The following CCDC150 variants were observed in gnomAD, a reference collection of about 807,000 sequenced individuals.
The protein encoded by CCDC150 is coiled-coil domain containing 150.
Under a neutral mutation model 156.5 loss-of-function variants are expected in CCDC150, and 151 were observed. The observed-to-expected ratio is 0.97, with a 90% CI of 0.85 to 1.10. The LOEUF is 1.10. Ranked by LOEUF, CCDC150 falls within the 50% of genes least tolerant of loss-of-function variation. The probability of loss-of-function intolerance (pLI) is 0.00; values close to 1 mark genes in which losing one functional copy is unlikely to be tolerated. For synonymous variants in CCDC150, 452 were observed against 429.4 expected (o/e 1.05, Z -0.65); for missense variants, 1,312 against 1,268.1 (o/e 1.03, Z -0.53).
At position 196,683,325 on chromosome 2, in the gene CCDC150, A is replaced by C. The variant is rs1208771111; in HGVS notation, c.1509+5964A>C. On this transcript the variant is annotated intron_variant, in intron 13 of 27. Transcript: ENST00000389175. ...TTACTATGGTGTATTACAGTGATTG[A>C]CTTGAAATGGAAAACTAAGCTTGCA... is the stretch of plus-strand genomic sequence containing the variant. 3.3e-5 allele frequency among the ~76,000 whole-genome samples: 5 copies of C among 151,964 alleles called. No individual in the cohort carries two copies. The East Asian group carries it at 9.6e-4, about 29-fold the overall frequency.
intron 21 of CCDC150, among the ~76,000 whole-genome samples, chr2:196,723,082 A>G (rs1698014341): frequency 6.6e-6 from 1 of 152,204 alleles, no homozygotes. Flanking sequence ...ATCAGTGCAC[A>G]TGGTTAGGAA....
chr2:196,713,407 C>T, intron 17 of CCDC150: 2 of 1,532,878 alleles, frequency 1.3e-6, no homozygotes, highest in Non-Finnish European at 1.8e-6. Flanking sequence ...CTTCAAAATC[C>T]CCCGAAATCT....
chr2:196,700,941 C>T (rs1290841780), intron 14 of CCDC150, among the ~76,000 whole-genome samples, 168 bp from the exon 15 acceptor site: 1 of 152,114 alleles, frequency 6.6e-6, no homozygotes. Flanking sequence ...TGCATATTAG[C>T]CCTGTGATCA....
chr2:196,701,657 C>G (rs1328008411), intron 15 of CCDC150, among the ~76,000 whole-genome samples: 1 of 152,186 alleles, frequency 6.6e-6, no homozygotes, highest in Non-Finnish European at 1.5e-5. Flanking sequence ...AATGGAAACA[C>G]TGCAATCCAA....
chr2:196,705,484 C>A (rs556945767), intron 15 of CCDC150, among the ~76,000 whole-genome samples: 2 of 152,246 alleles, frequency 1.3e-5, no homozygotes, highest in African/African-American at 2.4e-5. Flanking sequence ...AAATTTTCTC[C>A]CATTCTGTAG....
At chr2:196,669,697 A>G (rs1694077669) in intron 7 of CCDC150, 136 bp from the exon 8 acceptor site, 4 of 618,260 alleles carry the variant, frequency 6.5e-6, no homozygotes, top group Non-Finnish European at 1.1e-5. Flanking sequence ...TTTCTAGTCT[A>G]TAAAAATATT....
intron 19 of CCDC150, chr2:196,720,088 A>T: frequency 2.5e-6 from 1 of 399,328 alleles, no homozygotes; most frequent in East Asian, 8.0e-5. Context: ...TTTTAGGTGA[A>T]TCATTCTGAG....
At chr2:196,725,593 A>G (rs1433182178) in intron 21 of CCDC150, among the ~76,000 whole-genome samples, 1 of 152,250 alleles carries the variant, frequency 6.6e-6, no homozygotes, top group Non-Finnish European at 1.5e-5. Flanking sequence ...TCCAGGCAGC[A>G]GCAGGCTGAC....
chr2:196,642,618 C>G (rs983156592), intron 1 of CCDC150, among the ~76,000 whole-genome samples: 2 of 152,248 alleles, frequency 1.3e-5, no homozygotes, highest in Non-Finnish European at 2.9e-5. Context: ...CGCCCCCTCC[C>G]TTGCTTCCAA....
Position 196,694,962 on chromosome 2 carries a change from A to G in CCDC150, c.1510-84A>G. 1.4e-5 allele frequency: 10 copies of G among 692,912 alleles called. No homozygotes were observed. In the South Asian group the frequency reaches 2.0e-4, roughly 14 times the overall value. 42.9% of individuals were successfully genotyped at this position (692,912 alleles called of 1,614,324 possible). ...ATATGGACAATACTGTCCATTTTAC[A>G]GTTGTAATTGTCATTTTAAAAATAA... On this transcript the variant is annotated intron_variant, in intron 13 of 27. Transcript: ENST00000389175.
At chr2:196,696,512 C>A (rs749543555) in intron 14 of CCDC150, among the ~76,000 whole-genome samples, 1 of 152,164 alleles carries the variant, frequency 6.6e-6, no homozygotes, top group South Asian at 2.1e-4. Context: ...CCTAGCCTTA[C>A]CCTATTAATG....
intron 5 of CCDC150, among the ~76,000 whole-genome samples, chr2:196,659,193 A>G (rs965894874): frequency 1.3e-5 from 2 of 152,198 alleles, no homozygotes; most frequent in African/African-American, 4.8e-5. Flanking sequence ...TGTATTTAAA[A>G]TAAAAAGCTA....
At position 196,732,589 on chromosome 2, in the gene CCDC150, G is replaced by A. The variant is rs1206872940; in HGVS notation, c.*27G>A. ...GTCCTTGACAAGGGAGCTTCTTTAT[G>A]TGTAGCTACACTCCATGATTCCAAG... On this transcript the variant is annotated 3_prime_UTR_variant, in exon 28 of 28. Transcript: ENST00000389175. 1.4e-6 allele frequency: 2 copies of A among 1,428,780 alleles called. No individual in the cohort carries two copies. The highest frequency in any genetic ancestry group is 2.3e-5 in the East Asian group (1 of 43,922). The allele number at this position is 1,428,780 out of a possible 1,614,324, so 88.5% of individuals were successfully genotyped here.
intron 5 of CCDC150, among the ~76,000 whole-genome samples, chr2:196,659,809 T>G (rs1182965483): frequency 6.6e-6 from 1 of 152,238 alleles, no homozygotes; most frequent in Non-Finnish European, 1.5e-5. Context: ...TTGTAACATT[T>G]GATGAGCCAA....
chr2:196,694,471 G>C, intron 13 of CCDC150, among the ~76,000 whole-genome samples: 1 of 152,074 alleles, frequency 6.6e-6, no homozygotes, highest in Non-Finnish European at 1.5e-5. Context: ...TTTGCTGAGG[G>C]CAACTAGAAA....
rs535627414 is a variant in CCDC150 at position 196,654,617 on chromosome 2, CTT to C, written c.177-2013_177-2012del. ...GTACTTTTTTATACTTTCTTACTCTCTTTTGTTGAAATTCTGTTTGTTCTTGC... is the reference window on the plus strand; with the variant it reads ...GTACTTTTTTATACTTTCTTACTCTCTTGTTGAAATTCTGTTTGTTCTTGC... On this transcript the variant is annotated intron_variant, in intron 2 of 27. Transcript: ENST00000389175. 1.5e-4 allele frequency among the ~76,000 whole-genome samples: 23 copies of C among 152,174 alleles called. No homozygotes were observed. The East Asian group carries it at 4.4e-3, about 29-fold the overall frequency.
Position 196,695,073 on chromosome 2 carries a change from C to T in CCDC150, c.1537C>T (p.Leu513=), listed in dbSNP as rs758796225. ...AGACATAAATACATTAACTCATAAC[C>T]TGCAGACTCTTGAAGAAGAGAATAA... ...KVDINTLTHN[L]QTLEEENKHL... The change falls in exon 14 of 28, where the codon CTG becomes TTG. Residue 513 remains leucine (L), a synonymous_variant. Coordinates refer to ENST00000389175, the MANE Select transcript of CCDC150 (RefSeq NM_001080539.2). 6.2e-7 allele frequency: 1 copy of T among 1,608,974 alleles called. No homozygotes were observed. The highest frequency in any genetic ancestry group is 8.5e-7 in the Non-Finnish European group (1 of 1,176,540).
chr2:196,675,561 G>A (rs535409719), intron 10 of CCDC150, among the ~76,000 whole-genome samples: 6 of 152,198 alleles, frequency 3.9e-5, no homozygotes, highest in African/African-American at 1.2e-4. Flanking sequence ...ACATAAAAAT[G>A]TCATGTTTTG....
At chr2:196,677,709 G>A (rs757811986) in intron 13 of CCDC150, among the ~76,000 whole-genome samples, 6 of 152,206 alleles carry the variant, frequency 3.9e-5, no homozygotes, top group Admixed American at 6.5e-5. Flanking sequence ...AAAAACTAAC[G>A]GCTGGGTGAG....
Sources: allele counts gnomAD v4.1 joint callset (sites outside exome capture counted in the v4.1 genomes callset), GRCh38; gene constraint gnomAD v4.1.1; transcripts MANE v1.5; gene names NCBI Gene and HGNC (gene_info 2026-07-23, HGNC 2026-07-21).